Variants in MSRB1 observed in about 807,000 individuals in gnomAD.
The protein encoded by MSRB1 is methionine-R-sulfoxide reductase B1.
A neutral mutation model predicts 15.2 loss-of-function variants in MSRB1; 13 were observed. The ratio of observed to expected loss-of-function variants is 0.86; its 90% confidence interval spans 0.56 to 1.36. The LOEUF is 1.36. Ranked by LOEUF, MSRB1 falls within the 40% of genes most tolerant of loss-of-function variation. MSRB1 has a pLI of 0.00. For missense variants in MSRB1, 174 were observed against 155.9 expected, an observed-to-expected ratio of 1.12 and a Z score of -0.62; for synonymous variants, 68 against 64.5, an observed-to-expected ratio of 1.05 and a Z score of -0.26.
In MSRB1 at chr16:1,943,180, C is replaced by T. The variant is rs2083092097; in HGVS notation, c.-24G>A. 1 of 1,552,762 alleles carries T rather than the reference C, an allele frequency of 6.4e-7. No individual in the cohort carries two copies. Among genetic ancestry groups the T allele is most frequent in the Non-Finnish European group, 8.7e-7 (1 of 1,148,252 alleles). The stretch of plus-strand genomic sequence containing the variant: ...ATGGCGCCACCGGAACCGCAGCGCG[C>T]TTGCCGCTGCCAACTGACCAAAGGC... On this transcript the variant is annotated 5_prime_UTR_variant, in exon 1 of 4. Transcript: ENST00000361871.
At chr16:1,941,570 G>T (rs559025992) in intron 1 of MSRB1, 165 bp from the exon 2 acceptor site, 2 of 906,290 alleles carry the variant, frequency 2.2e-6, no homozygotes, top group East Asian at 2.7e-5. Flanking sequence ...CTGAGCTCAC[G>T]TTTAGTAGAT....
intron 3 of MSRB1, among the ~76,000 whole-genome samples, chr16:1,940,450 C>T (rs546521475): frequency 1.2e-4 from 19 of 152,328 alleles, no homozygotes; most frequent in Admixed American, 2.6e-4. Context: ...GACACAGCCG[C>T]ACAGACTGGG....
At position 1,940,908 on chromosome 16, in the gene MSRB1, G is replaced by A. The variant is rs1393009065; in HGVS notation, c.205-16C>T. 8 of 1,614,062 alleles carry A rather than the reference G, an allele frequency of 5.0e-6. No individual in the cohort carries two copies. The highest frequency in any genetic ancestry group is 5.9e-6 in the Non-Finnish European group (7 of 1,180,002). ...CACAGGACACCTGGAAAGATCACAA[G>A]GCAGCTGGGTGAGCTTCTGGCCATG... On this transcript the variant is annotated splice_polypyrimidine_tract_variant and intron_variant, in intron 2 of 3. Coordinates refer to ENST00000361871, the MANE Select transcript of MSRB1 (RefSeq NM_016332.4).
intron 3 of MSRB1, among the ~76,000 whole-genome samples, chr16:1,939,345 G>T (rs187810620): frequency 6.6e-6 from 1 of 152,208 alleles, no homozygotes. Flanking sequence ...CCAGATGCCC[G>T]ACTCAGGGGA....
chr16:1,943,044 C>T (rs917004517), intron 1 of MSRB1, 58 bp downstream of exon 1: 1 of 1,544,472 alleles, frequency 6.5e-7, no homozygotes, highest in African/African-American at 1.4e-5. Flanking sequence ...CGGCGGCGCC[C>T]CCGCTAATGC....
intron 3 of MSRB1, 38 bp downstream of exon 3, chr16:1,940,740 C>A: frequency 1.9e-6 from 3 of 1,585,392 alleles, no homozygotes; most frequent in African/African-American, 1.3e-5. Context: ...GGCTCAAAGG[C>A]CAACAGGCCT....
intron 1 of MSRB1, among the ~76,000 whole-genome samples, chr16:1,942,650 G>A (rs2083085434): frequency 6.6e-6 from 1 of 152,278 alleles, no homozygotes; most frequent in South Asian, 2.1e-4. Context: ...GGAATGGGAA[G>A]GGCCAGGGTA....
At chr16:1,940,707 C>G (rs1208595560) in intron 3 of MSRB1, 71 bp downstream of exon 3, 1 of 1,529,766 alleles carries the variant, frequency 6.5e-7, no homozygotes. Context: ...TGGACAAGCA[C>G]AAACACTGGG....
rs740581 is a variant in MSRB1 at position 1,942,993 on chromosome 16, G to A, written c.55+109C>T. 6.7e-4 allele frequency: 951 copies of A among 1,423,102 alleles called. 10 individuals carry two copies. The African/African-American group carries it at 9.9e-3, about 15-fold the overall frequency. 88.2% of individuals were successfully genotyped at this position (1,423,102 alleles called of 1,614,324 possible). On this transcript the variant is annotated intron_variant, in intron 1 of 3. Transcript: ENST00000361871. ...TCGCTTCTCCCCGGCAGCCACATTCGCCCCCATTCCCGGCTTGGGAGAGAC... is the reference window on the plus strand; with the variant it reads ...TCGCTTCTCCCCGGCAGCCACATTCACCCCCATTCCCGGCTTGGGAGAGAC...
intron 1 of MSRB1, among the ~76,000 whole-genome samples, chr16:1,942,203 G>A (rs1040758037): frequency 4.6e-5 from 7 of 152,224 alleles, no homozygotes; most frequent in Non-Finnish European, 8.8e-5. Context: ...TGTGGAAGTG[G>A]AGTTTCTGGC....
At position 1,940,851 on chromosome 16, in the gene MSRB1, G is replaced by C; in HGVS notation, c.246C>G (p.Phe82Leu). The change falls in exon 3 of 4, where the codon TTC becomes TTG. Residue 82 changes from phenylalanine to leucine, a missense_variant. By Grantham distance (22) the Phe-to-Leu change is conservative. Coordinates refer to ENST00000361871, the MANE Select transcript of MSRB1 (RefSeq NM_016332.4). Reference sequence around the variant, plus strand: ...GCCCCGGCTTGGGGCCGTCGTTCAGGAACTCGTGGCCCAACCCATTGCCAC... The same window carrying C: ...GCCCCGGCTTGGGGCCGTCGTTCAGCAACTCGTGGCCCAACCCATTGCCAC... Reference protein sequence around the residue: ...GKCGNGLGHEFLNDGPKPGQS... With the variant: ...GKCGNGLGHELLNDGPKPGQS... 6.2e-7 allele frequency: 1 copy of C among 1,614,166 alleles called. No individual in the cohort carries two copies. The highest frequency in any genetic ancestry group is 8.5e-7 in the Non-Finnish European group (1 of 1,180,052).
chr16:1,940,874 C>T lies in MSRB1; in HGVS notation c.223G>A (p.Gly75Ser), dbSNP rs1956779378. 5 of 1,614,168 alleles carry T rather than the reference C, an allele frequency of 3.1e-6. No homozygotes were observed. Among genetic ancestry groups the T allele is most frequent in the South Asian group, 1.1e-5 (1 of 91,088 alleles). Residue 75 changes from glycine (G) to serine (S), a missense_variant, in exon 3 of 4, where the codon GGC becomes AGC. Transcript: ENST00000361871. ...EALKVSCGKC[G>S]NGLGHEFLND... ...AGGAACTCGTGGCCCAACCCATTGC[C>T]ACACTTGCCACAGGACACCTGGAAA...
intron 2 of MSRB1, 49 bp downstream of exon 2, chr16:1,941,208 T>G: frequency 6.2e-7 from 1 of 1,607,032 alleles, no homozygotes; most frequent in Non-Finnish European, 8.5e-7. Context: ...ACTGGCTCTC[T>G]GCTCTCCCTG....
intron 1 of MSRB1, chr16:1,941,656 C>T: frequency 3.5e-6 from 2 of 566,332 alleles, no homozygotes; most frequent in South Asian, 4.3e-5. Flanking sequence ...GGGGCATATC[C>T]TAACATTTCC....
chr16:1,943,165 C>A lies in MSRB1; in HGVS notation c.-9G>T, dbSNP rs1193292247. On this transcript the variant is annotated 5_prime_UTR_variant, in exon 1 of 4. Coordinates refer to ENST00000361871, the MANE Select transcript of MSRB1 (RefSeq NM_016332.4). ...AAGCTGCAGAACGACATGGCGCCACCGGAACCGCAGCGCGCTTGCCGCTGC... is the reference window on the plus strand; with the variant it reads ...AAGCTGCAGAACGACATGGCGCCACAGGAACCGCAGCGCGCTTGCCGCTGC... The A allele has an allele frequency of 6.4e-7, 1 of 1,557,386 alleles. No individual in the cohort carries two copies. Among genetic ancestry groups the A allele is most frequent in the Non-Finnish European group, 8.7e-7 (1 of 1,150,676 alleles).
chr16:1,939,608 A>G (rs1397195074), intron 3 of MSRB1, among the ~76,000 whole-genome samples: 1 of 151,994 alleles, frequency 6.6e-6, no homozygotes, highest in African/African-American at 2.4e-5. Context: ...CAAGGCCCAG[A>G]GGAGTTCAAG....
At position 1,941,395 on chromosome 16, in the gene MSRB1, C is replaced by A. The variant is rs756781215; in HGVS notation, c.66G>T (p.Val22=). 1.2e-5 allele frequency: 19 copies of A among 1,612,170 alleles called. No homozygotes were observed. Among genetic ancestry groups the A allele is most frequent in the Non-Finnish European group, 1.6e-5 (19 of 1,179,270 alleles). ...FQNHFEPGVY[V]CAKCGYELFS... ...ACAGCTCATAGCCACACTTGGCACA[C>A]ACGTAAACGCCTGTGGTGGAAGGAG... The change falls in exon 2 of 4, where the codon GTG becomes GTT. Residue 22 remains valine (V), a synonymous_variant. Transcript: ENST00000361871.
chr16:1,939,047 A>C lies in MSRB1; in HGVS notation c.*65T>G. The C allele has an allele frequency of 1.9e-6, 3 of 1,593,406 alleles. No homozygotes were observed. The highest frequency in any genetic ancestry group is 2.6e-6 in the Non-Finnish European group (3 of 1,164,188). ...TCTCGACGCCCAGGGTTCCAACTCC[A>C]AGGTGGAATGGCCAACGTGTGGCCT... On this transcript the variant is annotated 3_prime_UTR_variant, in exon 4 of 4. Transcript: ENST00000361871.
intron 1 of MSRB1, 111 bp downstream of exon 1, chr16:1,942,991 T>G (rs2083089454): frequency 7.0e-7 from 1 of 1,426,160 alleles, no homozygotes; most frequent in Non-Finnish European, 9.5e-7. Context: ...GCAGCCACAT[T>G]CGCCCCCATT....
Sources: gnomAD v4.1 joint callset for allele counts (sites outside exome capture counted in the v4.1 genomes callset) on GRCh38, gnomAD v4.1.1 for gene constraint, MANE v1.5 for transcripts, NCBI Gene and HGNC (gene_info 2026-07-23, HGNC 2026-07-21) for gene names.